LRP1B: variants seen among roughly 807,000 people sequenced by gnomAD.
LRP1B encodes the protein LDL receptor related protein 1B.
In LRP1B, 217 loss-of-function variants were observed where a neutral mutation model predicts 556.6. The ratio of observed to expected loss-of-function variants is 0.39; its 90% CI spans 0.35 to 0.44. The LOEUF (loss-of-function observed/expected upper bound fraction) is 0.44. LRP1B is among the 20% of genes least tolerant of loss of function. The pLI, the probability that LRP1B is intolerant of heterozygous loss-of-function variation, is 1.00. For synonymous variants in LRP1B, 2,047 were observed against 1,865.8 expected, an observed-to-expected ratio of 1.10 and a Z score of -2.50; for missense variants, 5,053 against 5,620.8, an observed-to-expected ratio of 0.90 and a Z score of 3.23.
At chr2:140,793,302 T>C (rs1690186484) in intron 32 of LRP1B, among the ~76,000 whole-genome samples, 3 of 152,166 alleles carry the variant, frequency 2.0e-5, no homozygotes, top group Admixed American at 2.0e-4. Context: ...TTTTACAGTG[T>C]GCTTCTTAAA....
intron 3 of LRP1B, among the ~76,000 whole-genome samples, chr2:141,463,760 T>C (rs951825841): frequency 4.1e-5 from 6 of 145,564 alleles, no homozygotes; most frequent in Non-Finnish European, 6.0e-5. Flanking sequence ...GACTGGCCTA[T>C]GTTGATTGTA....
At chr2:142,107,984 T>C (rs1292940313) in intron 1 of LRP1B, among the ~76,000 whole-genome samples, 1 of 150,172 alleles carries the variant, frequency 6.7e-6, no homozygotes, top group African/African-American at 2.4e-5. Flanking sequence ...ATATAATTTT[T>C]CATAAGAGCT....
At chr2:140,848,739 A>G (rs1692350087) in intron 29 of LRP1B, among the ~76,000 whole-genome samples, 1 of 152,182 alleles carries the variant, frequency 6.6e-6, no homozygotes, top group Non-Finnish European at 1.5e-5. Flanking sequence ...GTCATGGCAA[A>G]TAGTAAGTGC....
chr2:141,643,295 A>G (rs1689415902), intron 2 of LRP1B, among the ~76,000 whole-genome samples: 5 of 152,014 alleles, frequency 3.3e-5, no homozygotes, highest in Admixed American at 3.3e-4. Context: ...CAGTCTACAG[A>G]CTCCAGAAAA....
chr2:140,888,414 A>G (rs985670836), intron 23 of LRP1B, among the ~76,000 whole-genome samples: 1 of 151,924 alleles, frequency 6.6e-6, no homozygotes, highest in African/African-American at 2.4e-5. Context: ...AACAAAAGAT[A>G]TTACTAGCAA....
chr2:140,706,822 GA>G (rs1229780826), intron 37 of LRP1B, among the ~76,000 whole-genome samples: 1 of 36,176 alleles, frequency 2.8e-5, no homozygotes, highest in East Asian at 9.9e-4. Flanking sequence ...TACTTTTCAG[GA>G]AAAACTTTTT....
Position 141,229,442 on chromosome 2 carries a change from T to C in LRP1B, c.593-2A>G. 6.5e-7 allele frequency: 1 copy of C among 1,531,290 alleles called. No individual in the cohort carries two copies. Among genetic ancestry groups the C allele is most frequent in the Non-Finnish European group, 8.9e-7 (1 of 1,122,240 alleles). 94.9% of individuals were successfully genotyped at this position (1,531,290 alleles called of 1,614,324 possible). A position where few individuals can be genotyped will look rare whatever the true frequency, so the allele number is the denominator to read the frequency against. On this transcript the variant is annotated splice_acceptor_variant, in intron 5 of 90. Coordinates refer to ENST00000389484, the MANE Select transcript of LRP1B (RefSeq NM_018557.3). LOFTEE classifies it high-confidence loss of function. ...GTATAGGTGGTCTATCTGTAGGTTC[T>C]GGAATAAAATAGAAAAAGAGAAGTA...
intron 60 of LRP1B, among the ~76,000 whole-genome samples, chr2:140,461,079 A>T (rs1283452809): frequency 4.6e-5 from 7 of 151,600 alleles, no homozygotes; most frequent in Admixed American, 3.3e-4. Context: ...GAAAAAAAAA[A>T]AAAAAGAAAG....
chr2:141,506,277 CTGTT>C (rs1191285103), intron 2 of LRP1B, among the ~76,000 whole-genome samples: 2 of 152,082 alleles, frequency 1.3e-5, no homozygotes, highest in African/African-American at 2.4e-5. Flanking sequence ...TATAAGAAGT[CTGTT>C]TGTAATTTGA....
At chr2:142,050,012 G>A (rs1704395867) in intron 1 of LRP1B, among the ~76,000 whole-genome samples, 1 of 152,120 alleles carries the variant, frequency 6.6e-6, no homozygotes, top group Non-Finnish European at 1.5e-5. Context: ...TACATAGTCT[G>A]TGAGGAGTAG....
At chr2:140,886,020 A>G in intron 24 of LRP1B, 118 bp downstream of exon 24, 2 of 607,886 alleles carry the variant, frequency 3.3e-6, no homozygotes, top group South Asian at 2.5e-5. Flanking sequence ...TATATGAGGG[A>G]GGGGATAAAG....
rs200181692 is a variant in LRP1B at position 140,808,049 on chromosome 2, G to A, written c.5359+5608C>T. ...GGAGGTTGCAGTGAGCCAAGATTACGCCACTGCATTCCAGCCTAGGTGACA... is the reference window on the plus strand; with the variant it reads ...GGAGGTTGCAGTGAGCCAAGATTACACCACTGCATTCCAGCCTAGGTGACA... On this transcript the variant is annotated intron_variant, in intron 32 of 90. Coordinates refer to ENST00000389484, the MANE Select transcript of LRP1B (RefSeq NM_018557.3). 9.2e-5 allele frequency among the ~76,000 whole-genome samples: 14 copies of A among 152,232 alleles called. No individual in the cohort carries two copies. In the East Asian group the frequency reaches 1.9e-3, roughly 21 times the overall value.
intron 2 of LRP1B, among the ~76,000 whole-genome samples, chr2:141,765,115 A>AAACACACT (rs370480287): frequency 6.7e-6 from 1 of 149,074 alleles, no homozygotes; most frequent in African/African-American, 2.5e-5. Context: ...ACAAACAAAC[A>AAACACACT]GGGAAAGAAT....
intron 82 of LRP1B, among the ~76,000 whole-genome samples, chr2:140,317,013 G>A (rs947800671): frequency 6.6e-6 from 1 of 152,096 alleles, no homozygotes. Context: ...AGAGGATGGA[G>A]CTCCGGCGGA....
chr2:141,607,232 T>A (rs1444787527), intron 2 of LRP1B, among the ~76,000 whole-genome samples: 1 of 151,970 alleles, frequency 6.6e-6, no homozygotes, highest in Non-Finnish European at 1.5e-5. Flanking sequence ...CATACCCACC[T>A]CTGGATTAGG....
intron 43 of LRP1B, among the ~76,000 whole-genome samples, chr2:140,580,030 C>T (rs1681699883): frequency 1.3e-5 from 2 of 152,122 alleles, no homozygotes; most frequent in South Asian, 4.1e-4. Context: ...ACCCACCACC[C>T]ACTTGGAAAG....
At chr2:140,345,922 T>C (rs1166164358) in intron 77 of LRP1B, among the ~76,000 whole-genome samples, 1 of 149,122 alleles carries the variant, frequency 6.7e-6, no homozygotes, top group Non-Finnish European at 1.5e-5. Flanking sequence ...TCAAATCTCC[T>C]CTCTTCAAAT....
At chr2:141,834,440 C>A (rs1486266777) in intron 1 of LRP1B, among the ~76,000 whole-genome samples, 2 of 151,662 alleles carry the variant, frequency 1.3e-5, no homozygotes, top group Non-Finnish European at 3.0e-5. Flanking sequence ...ACTGATGGGA[C>A]CAGATAAAGC....
In LRP1B at chr2:141,035,067, T is replaced by G. The variant is rs200889361; in HGVS notation, c.1789+13919A>C. 2.1e-3 allele frequency among the ~76,000 whole-genome samples: 325 copies of G among 152,122 alleles called. 14 individuals are homozygous for G. In the East Asian group the frequency reaches 0.054, roughly 25 times the overall value. On this transcript the variant is annotated intron_variant, in intron 11 of 90. Coordinates refer to ENST00000389484, the MANE Select transcript of LRP1B (RefSeq NM_018557.3). Reference sequence around the variant, plus strand: ...TTCATGTCCTTTGTAGGGACATGGATGAAATTGGAAATCATCATTCTCAGC... The same window carrying G: ...TTCATGTCCTTTGTAGGGACATGGAGGAAATTGGAAATCATCATTCTCAGC...
Sources: allele counts gnomAD v4.1 joint callset (sites outside exome capture counted in the v4.1 genomes callset), GRCh38; gene constraint gnomAD v4.1.1; transcripts MANE v1.5; gene names NCBI Gene and HGNC (gene_info 2026-07-23, HGNC 2026-07-21).